Variants in PRKDC observed in about 807,000 individuals in gnomAD.
PRKDC encodes protein kinase, DNA-activated, catalytic subunit, also known as DNA-dependent protein kinase catalytic subunit.
In PRKDC, 82 loss-of-function variants were observed where a neutral mutation model predicts 486.9. That is an observed-to-expected ratio of 0.17 (90% CI 0.14 to 0.20). The LOEUF (loss-of-function observed/expected upper bound fraction) is 0.20. Ranked by LOEUF, PRKDC falls within the 10% of genes least tolerant of loss-of-function variation. The probability of loss-of-function intolerance (pLI) is 1.00; values close to 1 mark genes in which losing one functional copy is unlikely to be tolerated. For synonymous variants in PRKDC, 1,895 were observed against 1,837.0 expected, an observed-to-expected ratio of 1.03 and a Z score of -0.81; for missense variants, 4,504 against 5,038.2, an observed-to-expected ratio of 0.89 and a Z score of 3.21.
At chr8:47,813,284 A>T (rs1267277115) in intron 68 of PRKDC, among the ~76,000 whole-genome samples, 1 of 151,640 alleles carries the variant, frequency 6.6e-6, no homozygotes, top group Non-Finnish European at 1.5e-5. Context: ...CATTCAGCTA[A>T]TTTTTGTATT....
chr8:47,854,610 G>A lies in PRKDC; in HGVS notation c.6762-396C>T, dbSNP rs554040991. 8.9e-4 allele frequency among the ~76,000 whole-genome samples: 136 copies of A among 151,996 alleles called. 1 individual carries two copies. Among genetic ancestry groups the A allele is most frequent in the Non-Finnish European group, 5.4e-4 (37 of 67,972 alleles). On this transcript the variant is annotated intron_variant, in intron 50 of 85. Coordinates refer to ENST00000314191, the MANE Select transcript of PRKDC (RefSeq NM_006904.7). ...CCGCCTCGGCCTCCCAAAGAGCCGG[G>A]ATTAAGGCGTGAGCCACCGTGCCCG...
chr8:47,918,629 T>C (rs2090025983), intron 21 of PRKDC, among the ~76,000 whole-genome samples: 1 of 152,190 alleles, frequency 6.6e-6, no homozygotes. Context: ...AATCATCTCA[T>C]GGAGCAGGAG....
intron 54 of PRKDC, among the ~76,000 whole-genome samples, chr8:47,848,413 A>G (rs2088321875): frequency 6.6e-6 from 1 of 152,202 alleles, no homozygotes; most frequent in Non-Finnish European, 1.5e-5. Flanking sequence ...GTACTTACTC[A>G]TATGTGGGAG....
intron 68 of PRKDC, among the ~76,000 whole-genome samples, chr8:47,811,899 C>T: frequency 6.6e-6 from 1 of 152,164 alleles, no homozygotes; most frequent in East Asian, 1.9e-4. Flanking sequence ...ATGGCTTGAA[C>T]CTGGGTGATG....
At chr8:47,883,763 GT>G (rs989987168) in intron 36 of PRKDC, among the ~76,000 whole-genome samples, 2 of 152,050 alleles carry the variant, frequency 1.3e-5, no homozygotes, top group African/African-American at 4.8e-5. Flanking sequence ...TCATCTTTCA[GT>G]TTTTTTTCTC....
In PRKDC at chr8:47,881,994, T is replaced by C; in HGVS notation, c.4880A>G (p.Lys1627Arg). The change falls in exon 37 of 86, where the codon AAG (lysine) becomes AGG (arginine). Residue 1627 changes from lysine to arginine, a missense_variant. Lys to Arg is a conservative substitution (Grantham distance 26). Coordinates refer to ENST00000314191, the MANE Select transcript of PRKDC (RefSeq NM_006904.7). ...TTTGGCCCACCATGAATCACACTTCTTCCAGTGTTGCAGAATTGTAGTCGC... is the reference window on the plus strand; with the variant it reads ...TTTGGCCCACCATGAATCACACTTCCTCCAGTGTTGCAGAATTGTAGTCGC... ...KLATTILQHW[K>R]KCDSWWAKDS... 6.2e-7 allele frequency: 1 copy of C among 1,614,072 alleles called. No individual in the cohort carries two copies. The highest frequency in any genetic ancestry group is 1.1e-5 in the South Asian group (1 of 91,088).
At chr8:47,830,838 G>T in intron 60 of PRKDC, 102 bp from the exon 61 acceptor site, 2 of 1,428,502 alleles carry the variant, frequency 1.4e-6, no homozygotes, top group South Asian at 1.2e-5. Context: ...CCATGAGGGC[G>T]AAGTGGTGGG....
At chr8:47,894,196 G>C (rs1321620337) in intron 30 of PRKDC, among the ~76,000 whole-genome samples, 1 of 152,132 alleles carries the variant, frequency 6.6e-6, no homozygotes, top group East Asian at 1.9e-4. Context: ...CAGGAGAATC[G>C]CTTAAACGAG....
In PRKDC at chr8:47,774,266, A is replaced by G. The variant is rs1461421660; in HGVS notation, c.12294T>C (p.Leu4098=). 1 of 1,609,854 alleles carries G rather than the reference A, an allele frequency of 6.2e-7. No individual in the cohort carries two copies. The highest frequency in any genetic ancestry group is 1.7e-5 in the Admixed American group (1 of 59,370). ...GGCACTTCACTTGAGTCTCTTCTGA[A>G]AGCCCACTCTCTGGTTCTTGGGCAC... ...NIRAQEPESG[L]SEETQVKCLM... Residue 4098 remains leucine (L), a synonymous_variant, in exon 86 of 86, where the codon CTT becomes CTC. Transcript: ENST00000314191.
chr8:47,880,079 C>A (rs1487338594), intron 38 of PRKDC, among the ~76,000 whole-genome samples: 2 of 152,106 alleles, frequency 1.3e-5, no homozygotes, highest in African/African-American at 4.8e-5. Flanking sequence ...AAACTCCTGC[C>A]CTCAGGAGAT....
At chr8:47,797,968 G>A (rs986286139) in intron 73 of PRKDC, among the ~76,000 whole-genome samples, 5 of 152,174 alleles carry the variant, frequency 3.3e-5, no homozygotes, top group East Asian at 1.9e-4. Flanking sequence ...ACAAGATCCC[G>A]TTACCATCCC....
intron 85 of PRKDC, among the ~76,000 whole-genome samples, chr8:47,774,948 C>T (rs2086578350): frequency 6.6e-6 from 1 of 151,866 alleles, no homozygotes; most frequent in Non-Finnish European, 1.5e-5. Flanking sequence ...TTATAGTCAT[C>T]TGGCAAGGCG....
intron 73 of PRKDC, among the ~76,000 whole-genome samples, chr8:47,796,557 T>C (rs1224340329): frequency 6.6e-6 from 1 of 152,086 alleles, no homozygotes; most frequent in African/African-American, 2.4e-5. Context: ...CAGCTTTTTG[T>C]TTCTTATATG....
intron 15 of PRKDC, among the ~76,000 whole-genome samples, chr8:47,933,458 C>G (rs929267985): frequency 6.6e-6 from 1 of 152,176 alleles, no homozygotes; most frequent in Admixed American, 6.5e-5. Context: ...CTTGTCAAAG[C>G]ATTTACCCCA....
Position 47,887,536 on chromosome 8 carries a change from GT to G in PRKDC, c.4572+10del. 2 of 1,565,766 alleles carry G rather than the reference GT, an allele frequency of 1.3e-6. No homozygotes were observed. Among genetic ancestry groups the G allele is most frequent in the African/African-American group, 1.4e-5 (1 of 73,568 alleles). On this transcript the variant is annotated intron_variant, in intron 35 of 85. Transcript: ENST00000314191. ...TTAGGGGAGTGCAGCATGCAGAGGC[GT>G]TTTTCCTACCAGTCCTCCAAAAGCA...
chr8:47,898,984 G>C (rs1397815742), intron 28 of PRKDC, among the ~76,000 whole-genome samples: 2 of 152,164 alleles, frequency 1.3e-5, no homozygotes, highest in Non-Finnish European at 2.9e-5. Context: ...ATTTTAAAGG[G>C]GTGTAAATCC....
At chr8:47,892,938 T>C (rs921862819) in intron 31 of PRKDC, among the ~76,000 whole-genome samples, 26 of 152,216 alleles carry the variant, frequency 1.7e-4, no homozygotes, top group African/African-American at 6.3e-4. Flanking sequence ...CTTTTTCAAT[T>C]ATATAAAGCT....
intron 21 of PRKDC, among the ~76,000 whole-genome samples, chr8:47,922,401 G>A (rs538414332): frequency 2.6e-5 from 4 of 152,200 alleles, no homozygotes; most frequent in Non-Finnish European, 5.9e-5. Context: ...GAACCCGGGA[G>A]GCGGAGGTTG....
chr8:47,838,927 T>G (rs116419621), intron 56 of PRKDC, among the ~76,000 whole-genome samples: 1 of 152,384 alleles, frequency 6.6e-6, no homozygotes, highest in East Asian at 1.9e-4. Context: ...TTGGTCCATA[T>G]GACTTTTTCA....
Sources: gnomAD v4.1 joint callset for allele counts (sites outside exome capture counted in the v4.1 genomes callset) on GRCh38, gnomAD v4.1.1 for gene constraint, MANE v1.5 for transcripts, NCBI Gene and HGNC (gene_info 2026-07-23, HGNC 2026-07-21) for gene names.